The following COL25A1 variants were observed in gnomAD, a reference collection of about 807,000 sequenced individuals.
COL25A1 encodes collagen type XXV alpha 1 chain.
COL25A1 carries 103 observed loss-of-function variants against 128.4 expected under a neutral mutation model. The ratio of observed to expected loss-of-function variants is 0.80; its 90% confidence interval spans 0.68 to 0.94. The LOEUF (loss-of-function observed/expected upper bound fraction) is 0.94, where lower values mean the gene tolerates loss of function less well. Ranked by LOEUF, COL25A1 falls within the 40% of genes least tolerant of loss-of-function variation. COL25A1 has a pLI of 0.00. For missense variants in COL25A1, 745 were observed against 840.0 expected (o/e 0.89, Z 1.40); for synonymous variants, 279 against 277.2 (o/e 1.01, Z -0.06).
intron 3 of COL25A1, among the ~76,000 whole-genome samples, chr4:109,096,252 T>C (rs76520529): frequency 0.021 from 3,234 of 152,320 alleles, 76 homozygotes; most frequent in Middle Eastern, 0.11. Context: ...CCTTTAGTAA[T>C]ATGATTACTG....
At chr4:109,006,209 G>A (rs534738926) in intron 6 of COL25A1, among the ~76,000 whole-genome samples, 3 of 149,942 alleles carry the variant, frequency 2.0e-5, no homozygotes, top group Non-Finnish European at 4.4e-5. Context: ...CCCATAACAA[G>A]CTTCTAATTT....
chr4:109,032,907 C>T (rs576479086), intron 5 of COL25A1, among the ~76,000 whole-genome samples: 7 of 152,266 alleles, frequency 4.6e-5, no homozygotes, highest in Non-Finnish European at 7.4e-5. Context: ...AATGGGTCTG[C>T]GTCCCGCCTG....
chr4:108,932,776 T>G (rs1746905153), intron 11 of COL25A1, among the ~76,000 whole-genome samples: 1 of 152,228 alleles, frequency 6.6e-6, no homozygotes, highest in South Asian at 2.1e-4. Context: ...GAAAGATACC[T>G]TTTAAAATAC....
intron 8 of COL25A1, among the ~76,000 whole-genome samples, chr4:108,973,581 C>A (rs10025147): frequency 0.027 from 4,087 of 152,234 alleles, 128 homozygotes; most frequent in African/African-American, 0.075. Context: ...TTTAAATGAG[C>A]CTTTCCACTG....
In COL25A1 at chr4:109,211,301, T is replaced by TG. The variant is rs1307883195; in HGVS notation, c.367+89281_367+89282insC. On this transcript the variant is annotated intron_variant, in intron 3 of 37. Coordinates refer to ENST00000399132, the MANE Select transcript of COL25A1 (RefSeq NM_198721.4). The stretch of plus-strand genomic sequence containing the variant: ...ATATATATATGAAACTATATATATA[T>TG]ATATATATATATATATATATATATA... 6.3e-5 allele frequency among the ~76,000 whole-genome samples: 3 copies of TG among 47,544 alleles called. No individual in the cohort carries two copies. In the South Asian group the frequency reaches 1.5e-3, roughly 24 times the overall value. 31.2% of individuals were successfully genotyped at this position (47,544 alleles called of 152,430 possible).
chr4:109,266,062 G>A (rs1781773192), intron 3 of COL25A1, among the ~76,000 whole-genome samples: 1 of 152,112 alleles, frequency 6.6e-6, no homozygotes, highest in Non-Finnish European at 1.5e-5. Flanking sequence ...ACTAACAGGT[G>A]TAACCGTTAA....
Position 108,886,492 on chromosome 4 carries a change from G to GTT in COL25A1, c.976-2272_976-2271dup, listed in dbSNP as rs535762905. On this transcript the variant is annotated intron_variant, in intron 18 of 37. Coordinates refer to ENST00000399132, the MANE Select transcript of COL25A1 (RefSeq NM_198721.4). ...TGTGTGTGTGTGTGTGTGTGTGTGT[G>GTT]TTTAGCTCATCAGCTATTTTATGTG... Among the ~76,000 whole-genome samples, 235 of 109,268 alleles carry GTT rather than the reference G, an allele frequency of 2.2e-3. 5 individuals are homozygous for GTT. Among genetic ancestry groups the GTT allele is most frequent in the South Asian group, 4.2e-3 (16 of 3,776 alleles). The allele number at this position is 109,268 out of a possible 152,430, so 71.7% of individuals were successfully genotyped here.
intron 13 of COL25A1, among the ~76,000 whole-genome samples, chr4:108,915,088 T>C (rs995918159): frequency 2.0e-5 from 3 of 152,124 alleles, no homozygotes; most frequent in African/African-American, 7.2e-5. Flanking sequence ...CCTTCATAGG[T>C]TGTGATGCCA....
At chr4:109,285,386 T>C (rs567858186) in intron 3 of COL25A1, among the ~76,000 whole-genome samples, 136 of 152,312 alleles carry the variant, frequency 8.9e-4, no homozygotes, top group Non-Finnish European at 1.6e-3. Flanking sequence ...AATCATAAAT[T>C]CAATGACTTA....
chr4:109,050,155 C>G lies in COL25A1; in HGVS notation c.392G>C (p.Arg131Thr). ...PAGPPGKRGK[R>T]GRRGESGPPG... ...CTTACCAGATTCTCCTCTTCGGCCT[C>G]TCTTACCTCGTTTCCCTGGAGGGCC... Residue 131 changes from arginine to threonine, a missense_variant, in exon 4 of 38, where the codon AGA (arginine) becomes ACA (threonine). Around this residue, in one of 3 missense-constraint regions of COL25A1, gnomAD observed 319 missense variants for 324.9 expected, o/e 0.98. Coordinates refer to ENST00000399132, the MANE Select transcript of COL25A1 (RefSeq NM_198721.4). 2.5e-6 allele frequency: 4 copies of G among 1,608,820 alleles called. No individual in the cohort carries two copies. Among genetic ancestry groups the G allele is most frequent in the Non-Finnish European group, 3.4e-6 (4 of 1,176,700 alleles).
chr4:109,035,974 C>T (rs1223777722), intron 5 of COL25A1, among the ~76,000 whole-genome samples: 1 of 152,008 alleles, frequency 6.6e-6, no homozygotes, highest in African/African-American at 2.4e-5. Flanking sequence ...GTCGCTCAGG[C>T]TGGAGTGCAG....
chr4:109,287,589 G>C (rs1167582799), intron 3 of COL25A1, among the ~76,000 whole-genome samples: 1 of 152,106 alleles, frequency 6.6e-6, no homozygotes, highest in African/African-American at 2.4e-5. Context: ...GCTTTTAAAT[G>C]AAGATAAATA....
At position 109,200,748 on chromosome 4, in the gene COL25A1, G is replaced by A. The variant is rs368112084; in HGVS notation, c.367+99835C>T. On this transcript the variant is annotated intron_variant, in intron 3 of 37. Coordinates refer to ENST00000399132, the MANE Select transcript of COL25A1 (RefSeq NM_198721.4). ...ATTACAGGCGTGAGCCACTGCACCC[G>A]GCCTCTCCTAACATGAATCTTCTAA... is the stretch of plus-strand genomic sequence containing the variant. Among the ~76,000 whole-genome samples, 6 of 151,988 alleles carry A rather than the reference G, an allele frequency of 3.9e-5. No homozygotes were observed. The East Asian group carries it at 5.8e-4, about 15-fold the overall frequency.
At chr4:109,102,152 T>C (rs1335873689) in intron 3 of COL25A1, among the ~76,000 whole-genome samples, 1 of 152,170 alleles carries the variant, frequency 6.6e-6, no homozygotes, top group Non-Finnish European at 1.5e-5. Flanking sequence ...CTCAAACATG[T>C]TTGAAACTCA....
chr4:109,042,830 A>T (rs189726502), intron 5 of COL25A1, among the ~76,000 whole-genome samples: 1 of 152,098 alleles, frequency 6.6e-6, no homozygotes, highest in African/African-American at 2.4e-5. Context: ...TAATTAGATG[A>T]TTTGCGAGTT....
chr4:109,166,487 C>T (rs1773084749), intron 3 of COL25A1, among the ~76,000 whole-genome samples: 1 of 152,162 alleles, frequency 6.6e-6, no homozygotes, highest in South Asian at 2.1e-4. Flanking sequence ...GCATAGAATT[C>T]TAATTTTCCC....
chr4:109,089,166 T>G (rs1009476595), intron 3 of COL25A1, among the ~76,000 whole-genome samples: 8 of 152,248 alleles, frequency 5.3e-5, no homozygotes, highest in African/African-American at 1.9e-4. Flanking sequence ...AGCCATCACA[T>G]TGTGGGAAAA....
intron 3 of COL25A1, among the ~76,000 whole-genome samples, chr4:109,202,203 C>T (rs938498537): frequency 4.6e-5 from 7 of 151,978 alleles, no homozygotes; most frequent in Admixed American, 2.0e-4. Context: ...TGATGCTACC[C>T]GACTTCAAAA....
intron 3 of COL25A1, among the ~76,000 whole-genome samples, chr4:109,082,949 T>G (rs1763986346): frequency 3.3e-5 from 5 of 152,160 alleles, no homozygotes; most frequent in Admixed American, 3.3e-4. Context: ...AAGAATCTCA[T>G]TAAATATTAT....
Sources: allele counts gnomAD v4.1 joint callset (sites outside exome capture counted in the v4.1 genomes callset), GRCh38; gene constraint gnomAD v4.1.1; regional missense constraint gnomAD v4.1.1; transcripts MANE v1.5; gene names NCBI Gene and HGNC (gene_info 2026-07-23, HGNC 2026-07-21).